HYDIN: variants seen among roughly 807,000 people sequenced by gnomAD.
HYDIN encodes axonemal central pair apparatus protein HYDIN.
HYDIN carries 132 observed loss-of-function variants against 403.9 expected under a neutral mutation model. The observed-to-expected ratio is 0.33, with a 90% CI of 0.28 to 0.38. HYDIN has a LOEUF of 0.38. Ranked by LOEUF, HYDIN falls within the 10% of genes least tolerant of loss-of-function variation. The probability of loss-of-function intolerance (pLI) is 1.00; values close to 1 mark genes in which losing one functional copy is unlikely to be tolerated. For missense variants in HYDIN, 2,827 were observed against 5,009.5 expected (o/e 0.56, Z 13.15); for synonymous variants, 1,202 against 1,891.7 (o/e 0.64, Z 9.46).
intron 1 of HYDIN, among the ~76,000 whole-genome samples, chr16:71,187,369 C>G (rs189834227): frequency 1.3e-5 from 2 of 152,134 alleles, no homozygotes; most frequent in Admixed American, 6.6e-5. Flanking sequence ...TGAGATAAGA[C>G]AGGCAAAGGA....
In HYDIN at chr16:71,097,664, A is replaced by G. The variant is rs528982210; in HGVS notation, c.1328-3729T>C. On this transcript the variant is annotated intron_variant, in intron 10 of 85. Transcript: ENST00000393567. ...GTATTTACGGGTTCTTTCTCTCCACATTCTCCCCAGCAGTGGGGATATCAC... is the reference window on the plus strand; with the variant it reads ...GTATTTACGGGTTCTTTCTCTCCACGTTCTCCCCAGCAGTGGGGATATCAC... Among the ~76,000 whole-genome samples, 3 of 143,768 alleles carry G rather than the reference A, an allele frequency of 2.1e-5. No individual in the cohort carries two copies. The East Asian group carries it at 6.3e-4, about 30-fold the overall frequency. 94.3% of individuals were successfully genotyped at this position (143,768 alleles called of 152,430 possible).
chr16:70,911,795 T>C (rs369833143), intron 47 of HYDIN, among the ~76,000 whole-genome samples: 6 of 151,272 alleles, frequency 4.0e-5, no homozygotes, highest in Non-Finnish European at 5.9e-5. Flanking sequence ...CAGCAGTGTT[T>C]TGTAGTTTTC....
chr16:71,151,004 A>G (rs2085516537), intron 7 of HYDIN, among the ~76,000 whole-genome samples: 1 of 152,212 alleles, frequency 6.6e-6, no homozygotes, highest in African/African-American at 2.4e-5. Context: ...ACATCGCTTT[A>G]CACCACTAGT....
At chr16:71,003,593 A>C (rs1187801511) in intron 23 of HYDIN, among the ~76,000 whole-genome samples, 2 of 152,028 alleles carry the variant, frequency 1.3e-5, no homozygotes, top group Admixed American at 6.6e-5. Flanking sequence ...TGAAGTCAGC[A>C]GTTTGAGACC....
At chr16:70,934,226 G>T (rs1597360336) in intron 45 of HYDIN, among the ~76,000 whole-genome samples, 1 of 152,210 alleles carries the variant, frequency 6.6e-6, no homozygotes, top group Non-Finnish European at 1.5e-5. Flanking sequence ...TAGGAAACGG[G>T]GAGGCAGAAA....
intron 19 of HYDIN, among the ~76,000 whole-genome samples, chr16:71,029,717 G>A (rs1299471818): frequency 6.8e-6 from 1 of 147,834 alleles, no homozygotes; most frequent in African/African-American, 2.5e-5. Context: ...TCAACCATGT[G>A]ACTTGCTTTT....
At chr16:71,176,088 G>A (rs1036872417) in intron 4 of HYDIN, among the ~76,000 whole-genome samples, 2 of 140,718 alleles carry the variant, frequency 1.4e-5, no homozygotes, top group Non-Finnish European at 2.9e-5. Context: ...GGAGGATCAC[G>A]AGGTCAGGAG....
intron 9 of HYDIN, among the ~76,000 whole-genome samples, chr16:71,117,549 A>G (rs1395024279): frequency 6.6e-6 from 1 of 152,204 alleles, no homozygotes; most frequent in Non-Finnish European, 1.5e-5. Flanking sequence ...AGGGGAAAAG[A>G]TGTGTGTGTT....
intron 1 of HYDIN, among the ~76,000 whole-genome samples, chr16:71,207,711 T>C (rs1419246658): frequency 6.6e-6 from 1 of 151,562 alleles, no homozygotes; most frequent in Non-Finnish European, 1.5e-5. Context: ...AGGCTTGAAG[T>C]AAAGGGATGG....
chr16:70,951,379 C>T (rs954713844), intron 41 of HYDIN, among the ~76,000 whole-genome samples: 1 of 152,036 alleles, frequency 6.6e-6, no homozygotes, highest in African/African-American at 2.4e-5. Context: ...TATTCCTTGT[C>T]CATCACCAAT....
chr16:71,007,859 T>C (rs2079937426), intron 23 of HYDIN, among the ~76,000 whole-genome samples: 2 of 151,826 alleles, frequency 1.3e-5, no homozygotes, highest in African/African-American at 4.9e-5. Flanking sequence ...CATGCACTTA[T>C]ATGTTCATTG....
chr16:71,222,351 C>T (rs1362552890), intron 1 of HYDIN, among the ~76,000 whole-genome samples: 2 of 152,044 alleles, frequency 1.3e-5, no homozygotes, highest in Non-Finnish European at 1.5e-5. Context: ...TAATAAAAGC[C>T]ATATACGACA....
chr16:70,838,700 T>C (rs1447322616), intron 76 of HYDIN, among the ~76,000 whole-genome samples: 1 of 152,192 alleles, frequency 6.6e-6, no homozygotes, highest in Non-Finnish European at 1.5e-5. Flanking sequence ...CTTGGGTCTC[T>C]GTTTTCTGAT....
chr16:71,192,715 G>A (rs1362691999), intron 1 of HYDIN, among the ~76,000 whole-genome samples: 1 of 152,104 alleles, frequency 6.6e-6, no homozygotes, highest in South Asian at 2.1e-4. Context: ...CTCCTATCAT[G>A]GTTATTGATC....
At chr16:70,900,883 G>C in intron 53 of HYDIN, 121 bp downstream of exon 53, 1 of 399,598 alleles carries the variant, frequency 2.5e-6, no homozygotes, top group Non-Finnish European at 4.4e-6. Flanking sequence ...ATCGAAAGGG[G>C]ATCAGATAGG....
chr16:70,937,019 G>A (rs1166517811), intron 44 of HYDIN, among the ~76,000 whole-genome samples: 1 of 151,568 alleles, frequency 6.6e-6, no homozygotes, highest in African/African-American at 2.4e-5. Flanking sequence ...GTGAGGGAAT[G>A]GTACTTCTGA....
At chr16:71,206,761 C>T (rs1320568632) in intron 1 of HYDIN, among the ~76,000 whole-genome samples, 1 of 152,138 alleles carries the variant, frequency 6.6e-6, no homozygotes, top group African/African-American at 2.4e-5. Context: ...AAACACATTA[C>T]AACAATTTCA....
chr16:71,088,057 T>G (rs1275573664), intron 12 of HYDIN, among the ~76,000 whole-genome samples: 9 of 133,312 alleles, frequency 6.8e-5, no homozygotes, highest in Non-Finnish European at 1.6e-5. Context: ...AATGTCTAAA[T>G]CCTTATTTTA....
intron 1 of HYDIN, among the ~76,000 whole-genome samples, chr16:71,199,368 A>T (rs1022006436): frequency 6.6e-6 from 1 of 152,180 alleles, no homozygotes; most frequent in African/African-American, 2.4e-5. Context: ...AGAAACCCAA[A>T]GAGATGGGGG....
Sources: allele counts gnomAD v4.1 joint callset (sites outside exome capture counted in the v4.1 genomes callset), GRCh38; gene constraint gnomAD v4.1.1; transcripts MANE v1.5; gene names NCBI Gene and HGNC (gene_info 2026-07-23, HGNC 2026-07-21).